Variants in MMD2 observed in about 807,000 individuals in gnomAD.
MMD2 encodes monocyte to macrophage differentiation associated 2, also known as monocyte to macrophage differentiation factor 2.
A neutral mutation model predicts 33.5 loss-of-function variants in MMD2; 30 were observed. The observed-to-expected ratio is 0.90, with a 90% confidence interval of 0.67 to 1.22. The LOEUF (loss-of-function observed/expected upper bound fraction) is 1.22. MMD2 is among the 50% of genes most tolerant of loss of function. The probability of loss-of-function intolerance (pLI) is 0.00; values close to 1 mark genes in which losing one functional copy is unlikely to be tolerated. For missense variants in MMD2, 364 were observed against 325.4 expected (o/e 1.12, Z -0.91); for synonymous variants, 129 against 123.0 (o/e 1.05, Z -0.32).
At chr7:4,932,673 A>G (rs892004059) in intron 1 of MMD2, among the ~76,000 whole-genome samples, 2 of 150,454 alleles carry the variant, frequency 1.3e-5, no homozygotes, top group Admixed American at 6.6e-5. Flanking sequence ...CCCAGACTGA[A>G]GTGCAGTGGC....
In MMD2 at chr7:4,958,277, TG is replaced by T. The variant is rs111550239; in HGVS notation, c.47+693del. 7.3e-3 allele frequency among the ~76,000 whole-genome samples: 1,107 copies of T among 152,244 alleles called. 14 individuals carry two copies. Among genetic ancestry groups the T allele is most frequent in the African/African-American group, 0.024 (1,016 of 41,546 alleles). ...ATCTCCCAACAAAATCTTAAAGATA[TG>T]TAAAAGGAGAAACCCCCTCCCCACG... On this transcript the variant is annotated intron_variant, in intron 1 of 6. Coordinates refer to ENST00000401401, the MANE Select transcript of MMD2 (RefSeq NM_198403.4).
At chr7:4,898,923 GAGGA>G in the MMD2 span, among the ~76,000 whole-genome samples, 5 of 151,576 alleles carry the variant, frequency 3.3e-5, no homozygotes, top group South Asian at 2.1e-4. Context: ...AAGAGAGACA[GAGGA>G]AGGAAGGAAG....
At chr7:4,926,451 G>A (rs1026139275) in intron 1 of MMD2, among the ~76,000 whole-genome samples, 1 of 151,992 alleles carries the variant, frequency 6.6e-6, no homozygotes, top group Non-Finnish European at 1.5e-5. Context: ...AGCTCTGCAA[G>A]GGGCAGCTTG....
intron 1 of MMD2, among the ~76,000 whole-genome samples, chr7:4,935,461 TA>T (rs140782381): frequency 2.0e-5 from 3 of 152,156 alleles, no homozygotes; most frequent in African/African-American, 7.2e-5. Context: ...TTATTATTAT[TA>T]TTTTTTTAGC....
rs1040644174 is a variant in MMD2, at chr7:4,951,446, C to G, written c.47+7525G>C. On this transcript the variant is annotated intron_variant, in intron 1 of 6. Coordinates refer to ENST00000401401, the MANE Select transcript of MMD2 (RefSeq NM_198403.4). ...GCCCTGGGTCCCTGCACTTCACCCC[C>G]CAATGGCCTCATTCTTCAATGTCCT... Among the ~76,000 whole-genome samples the G allele has an allele frequency of 7.2e-5, 11 of 152,146 alleles. No individual in the cohort carries two copies. The East Asian group carries it at 9.7e-4, about 13-fold the overall frequency.
intron 3 of MMD2, among the ~76,000 whole-genome samples, chr7:4,919,790 G>T (rs1241659175): frequency 6.6e-6 from 1 of 151,996 alleles, no homozygotes; most frequent in Non-Finnish European, 1.5e-5. Flanking sequence ...CAGCTACTCG[G>T]GAGGCTGAGG....
intron 1 of MMD2, among the ~76,000 whole-genome samples, chr7:4,926,242 C>A (rs992906867): frequency 6.6e-6 from 1 of 152,080 alleles, no homozygotes; most frequent in Admixed American, 6.6e-5. Flanking sequence ...GGACTACAGG[C>A]ACAATCTACC....
chr7:4,937,715 C>T (rs13243238), intron 1 of MMD2, among the ~76,000 whole-genome samples: 1 of 151,914 alleles, frequency 6.6e-6, no homozygotes, highest in Non-Finnish European at 1.5e-5. Flanking sequence ...GCCATGTTGC[C>T]CAGGCTGGTC....
intron 3 of MMD2, among the ~76,000 whole-genome samples, chr7:4,918,016 C>G (rs370330921): frequency 9.2e-5 from 14 of 152,246 alleles, no homozygotes; most frequent in African/African-American, 3.4e-4. Context: ...AAACAAGCTC[C>G]CATGTGGCTG....
At chr7:4,901,783 C>T (rs1384964179), downstream of MMD2, among the ~76,000 whole-genome samples, 2 of 152,202 alleles carry the variant, frequency 1.3e-5, no homozygotes, top group Non-Finnish European at 2.9e-5. Context: ...TGGGAAGTGG[C>T]GGAGCCGGGG....
the MMD2 span, among the ~76,000 whole-genome samples, chr7:4,895,747 G>A: frequency 2.0e-5 from 3 of 151,888 alleles, no homozygotes; most frequent in Non-Finnish European, 4.4e-5. Context: ...TGTTGGTCAG[G>A]TTGGTCTCGA....
At chr7:4,905,817 C>T (rs1378246322), downstream of MMD2, among the ~76,000 whole-genome samples, 1 of 152,158 alleles carries the variant, frequency 6.6e-6, no homozygotes, top group African/African-American at 2.4e-5. This position sits in a 1 kb window ranked among gnomAD's most constrained non-coding sequence, Gnocchi z 5.0. Flanking sequence ...GTGAGCTCTA[C>T]AGGTCAGGCT....
intron 4 of MMD2, 84 bp downstream of exon 4, chr7:4,915,921 A>G (rs1583362258): frequency 2.1e-6 from 3 of 1,412,280 alleles, no homozygotes; most frequent in South Asian, 2.4e-5. Flanking sequence ...AAGTCAACAC[A>G]TTACCCAGCC....
At chr7:4,921,750 C>T (rs1240398473) in intron 2 of MMD2, among the ~76,000 whole-genome samples, 1 of 152,060 alleles carries the variant, frequency 6.6e-6, no homozygotes, top group East Asian at 1.9e-4. Flanking sequence ...AGGTATCCCG[C>T]TAGCCTCCCC....
At position 4,928,135 on chromosome 7, in the gene MMD2, C is replaced by G. The variant is rs528830739; in HGVS notation, c.48-2603G>C. Among the ~76,000 whole-genome samples the G allele has an allele frequency of 1.1e-4, 16 of 152,278 alleles. 1 individual carries two copies. In the East Asian group the frequency reaches 2.5e-3, roughly 24 times the overall value. On this transcript the variant is annotated intron_variant, in intron 1 of 6. Transcript: ENST00000401401. ...ATCAGCTCACCTGGACGTTGCCAAG[C>G]AGCAGCCACCCAATGGGGTTAAACT...
chr7:4,924,999 C>T (rs1785384583), intron 2 of MMD2, among the ~76,000 whole-genome samples: 1 of 152,104 alleles, frequency 6.6e-6, no homozygotes, highest in African/African-American at 2.4e-5. Flanking sequence ...GGCATGATCT[C>T]GGCTCACTGC....
At chr7:4,923,101 CTT>C (rs879361071) in intron 2 of MMD2, among the ~76,000 whole-genome samples, 1 of 144,986 alleles carries the variant, frequency 6.9e-6, no homozygotes, top group Non-Finnish European at 1.5e-5. Context: ...CAATTCAGCA[CTT>C]TTTTTTTTTT....
intron 2 of MMD2, among the ~76,000 whole-genome samples, chr7:4,922,445 C>T (rs763675953): frequency 1.6e-4 from 24 of 152,102 alleles, no homozygotes; most frequent in Non-Finnish European, 2.9e-4. Flanking sequence ...TGGCGCACAC[C>T]TGTAGTCCCA....
chr7:4,935,152 C>G (rs749260725), intron 1 of MMD2, among the ~76,000 whole-genome samples: 14 of 152,004 alleles, frequency 9.2e-5, no homozygotes, highest in Non-Finnish European at 1.9e-4. Flanking sequence ...CGCTACCACA[C>G]TCCAGCCTGG....
Sources: gnomAD v4.1 joint callset for allele counts (sites outside exome capture counted in the v4.1 genomes callset) on GRCh38, gnomAD v4.1.1 for gene constraint, Gnocchi (gnomAD v3.1) non-coding constraint, MANE v1.5 for transcripts, NCBI Gene and HGNC (gene_info 2026-07-23, HGNC 2026-07-21) for gene names.